COL22A1: variants seen among roughly 807,000 people sequenced by gnomAD.
The protein encoded by COL22A1 is collagen type XXII alpha 1 chain.
In COL22A1, 221 loss-of-function variants were observed where a neutral mutation model predicts 248.9. The ratio of observed to expected loss-of-function variants is 0.89; its 90% CI spans 0.80 to 0.99. The LOEUF is 0.99. Ranked by LOEUF, COL22A1 falls within the 50% of genes least tolerant of loss-of-function variation. The pLI, the probability that COL22A1 is intolerant of heterozygous loss-of-function variation, is 0.00. For missense variants in COL22A1, 2,240 were observed against 2,179.0 expected (o/e 1.03, Z -0.56); for synonymous variants, 891 against 793.4 (o/e 1.12, Z -2.07).
chr8:138,836,255 AG>A (rs1820422427), intron 4 of COL22A1, among the ~76,000 whole-genome samples: 1 of 152,134 alleles, frequency 6.6e-6, no homozygotes, highest in Non-Finnish European at 1.5e-5. Flanking sequence ...TGGGCGACAG[AG>A]AGAGACTCTG....
intron 47 of COL22A1, among the ~76,000 whole-genome samples, chr8:138,638,923 C>G (rs1022545483): frequency 6.6e-6 from 1 of 152,114 alleles, no homozygotes; most frequent in Non-Finnish European, 1.5e-5. Flanking sequence ...CACAGTTGTC[C>G]CTGTCTCCTA....
At chr8:138,600,295 G>T (rs1817894851) in intron 60 of COL22A1, among the ~76,000 whole-genome samples, 1 of 152,216 alleles carries the variant, frequency 6.6e-6, no homozygotes, top group Non-Finnish European at 1.5e-5. Context: ...CTGAGAAAGG[G>T]AGGCACAGGG....
chr8:138,796,861 G>GA lies in COL22A1; in HGVS notation c.1558-5dup. ...CTTGGCCAAAAGGTCCTATGCCCTA[G>GA]AAAAATGAAAGAAGGCAAAGATTCA... On this transcript the variant is annotated splice_polypyrimidine_tract_variant and splice_region_variant and intron_variant, in intron 11 of 64. Coordinates refer to ENST00000303045, the MANE Select transcript of COL22A1 (RefSeq NM_152888.3). The GA allele has an allele frequency of 6.3e-7, 1 of 1,592,246 alleles. No homozygotes were observed. Among genetic ancestry groups the GA allele is most frequent in the Non-Finnish European group, 8.6e-7 (1 of 1,160,234 alleles).
Position 138,757,360 on chromosome 8 carries a change from C to T in COL22A1, c.1903-1531G>A, listed in dbSNP as rs1169250406. On this transcript the variant is annotated intron_variant, in intron 18 of 64. Transcript: ENST00000303045. ...GAGAGAGAACGGCTGAATAATGAAT[C>T]TTTTGAGGTTCAAAATCATGTCTTT... Among the ~76,000 whole-genome samples the T allele has an allele frequency of 2.0e-5, 3 of 152,078 alleles. No homozygotes were observed. In the East Asian group the frequency reaches 5.8e-4, roughly 29 times the overall value.
chr8:138,840,121 T>C (rs138153250), intron 4 of COL22A1, among the ~76,000 whole-genome samples: 163 of 152,270 alleles, frequency 1.1e-3, no homozygotes, highest in Middle Eastern at 3.4e-3. Context: ...TTTTGGGGAC[T>C]GCATTTTTTC....
chr8:138,709,402 T>C (rs1188090147), intron 30 of COL22A1, among the ~76,000 whole-genome samples: 4 of 151,958 alleles, frequency 2.6e-5, no homozygotes. Context: ...TGTCCATCAA[T>C]GATAGACTGG....
chr8:138,886,240 C>T (rs745803363), intron 1 of COL22A1, among the ~76,000 whole-genome samples: 2 of 152,176 alleles, frequency 1.3e-5, no homozygotes, highest in Non-Finnish European at 2.9e-5. Flanking sequence ...GTCCCAGGCA[C>T]AGCCAGGCTG....
chr8:138,642,940 A>G (rs1821844109), intron 47 of COL22A1, among the ~76,000 whole-genome samples: 1 of 151,938 alleles, frequency 6.6e-6, no homozygotes, highest in Non-Finnish European at 1.5e-5. Flanking sequence ...GAGGCAGGAG[A>G]ATCGCTTGAA....
chr8:138,881,402 C>A (rs919010822), intron 2 of COL22A1, among the ~76,000 whole-genome samples: 1 of 151,690 alleles, frequency 6.6e-6, no homozygotes. Context: ...ATGTCACTTT[C>A]TGGGTGGGTG....
chr8:138,826,320 G>A (rs575478564), intron 6 of COL22A1, among the ~76,000 whole-genome samples: 12 of 152,294 alleles, frequency 7.9e-5, no homozygotes, highest in South Asian at 6.2e-4. Context: ...ACTGCATCAC[G>A]AAGCTGGGTC....
rs958666895 is a variant in COL22A1, at chr8:138,589,257, G to C, written c.4877C>G (p.Pro1626Arg). 6.8e-6 allele frequency: 11 copies of C among 1,613,534 alleles called. No homozygotes were observed. The Admixed American group carries it at 1.8e-4, about 27-fold the overall frequency. Residue 1626 changes from proline to arginine, a missense_variant, in exon 65 of 65, where the codon CCC (proline) becomes CGC (arginine). Physicochemically the swap from Pro to Arg is moderately radical, Grantham distance 103 (BLOSUM62 -2). Transcript: ENST00000303045. ...LAARPGNVKG[P>R] Reference sequence around the variant, plus strand: ...CTTCTGGCTTTCCAGAGTCCTTTAGGGACCCTTCACATTACCCGGCCGGGC... The same window carrying C: ...CTTCTGGCTTTCCAGAGTCCTTTAGCGACCCTTCACATTACCCGGCCGGGC...
Position 138,826,740 on chromosome 8 carries a change from A to T in COL22A1, c.887T>A (p.Val296Asp). 1 of 1,614,110 alleles carries T rather than the reference A, an allele frequency of 6.2e-7. No individual in the cohort carries two copies. The change falls in exon 6 of 65, where the codon GTC becomes GAC. Residue 296 changes from valine to aspartate, a missense_variant. Physicochemically the swap from Val to Asp is radical, Grantham distance 152 (BLOSUM62 -3). Transcript: ENST00000303045. The part of the protein sequence containing the change: ...PQGLPDEYAF[V>D]TTFRFRKTSR... ...GGTTTTCCTGAACCGGAAGGTTGTG[A>T]CAAAGGCGTACTCATCAGGTAAACC... is the stretch of plus-strand genomic sequence containing the variant.
chr8:138,791,782 T>C (rs1252963109), intron 12 of COL22A1, among the ~76,000 whole-genome samples: 1 of 152,206 alleles, frequency 6.6e-6, no homozygotes, highest in Non-Finnish European at 1.5e-5. Flanking sequence ...GTCAGGTTTA[T>C]GGTGCCAGTA....
chr8:138,652,076 A>G (rs562073055), intron 45 of COL22A1, among the ~76,000 whole-genome samples: 7 of 152,168 alleles, frequency 4.6e-5, no homozygotes, highest in Admixed American at 6.5e-5. Context: ...GATCACCCCA[A>G]TCTGCAGTCT....
chr8:138,729,838 G>A (rs1022745740), intron 23 of COL22A1, among the ~76,000 whole-genome samples: 9 of 152,106 alleles, frequency 5.9e-5, no homozygotes, highest in South Asian at 2.1e-4. Context: ...CAGCCGCCTC[G>A]CCTTGGGGGT....
At position 138,649,689 on chromosome 8, in the gene COL22A1, C is replaced by T; in HGVS notation, c.3423G>A (p.Gly1141=). Residue 1141 remains glycine (G), a synonymous_variant, in exon 46 of 65, where the codon GGG becomes GGA. Transcript: ENST00000303045. The part of the protein sequence containing the change: ...KGDKGVPGKP[G]REGTEGKKGE... ...CCTTTTTCCCTTCTGTGCCTTCTCTCCCTGGCTTTCCTGGGACACCTTTGT... is the reference window on the plus strand; with the variant it reads ...CCTTTTTCCCTTCTGTGCCTTCTCTTCCTGGCTTTCCTGGGACACCTTTGT... The T allele has an allele frequency of 6.2e-7, 1 of 1,613,514 alleles. No individual in the cohort carries two copies.
chr8:138,878,296 C>G lies in COL22A1; in HGVS notation c.112G>C (p.Asp38His), dbSNP rs753523862. Residue 38 changes from aspartate to histidine, a missense_variant, in exon 3 of 65, where the codon GAT becomes CAT. Transcript: ENST00000303045. ...GAGGTGTCCAGGAGGAAGACCAGATCGTAGTGGACACTTTTGCAACCTGCA... is the reference window on the plus strand; with the variant it reads ...GAGGTGTCCAGGAGGAAGACCAGATGGTAGTGGACACTTTTGCAACCTGCA... ...QRAGCKSVHY[D>H]LVFLLDTSSS... 1.9e-6 allele frequency: 3 copies of G among 1,556,554 alleles called. No individual in the cohort carries two copies. Among genetic ancestry groups the G allele is most frequent in the South Asian group, 2.5e-5 (2 of 81,276 alleles).
intron 5 of COL22A1, chr8:138,827,029 T>G: frequency 2.2e-6 from 1 of 462,730 alleles, no homozygotes; most frequent in Non-Finnish European, 4.0e-6. Context: ...ATGGTGCGTC[T>G]GCTTCCATCT....
chr8:138,798,555 C>A (rs1414773333), intron 11 of COL22A1, among the ~76,000 whole-genome samples: 13 of 151,998 alleles, frequency 8.6e-5, no homozygotes, highest in Admixed American at 8.5e-4. Context: ...TCCTTCTTAG[C>A]TCTATCCCTT....
Sources: gnomAD v4.1 joint callset for allele counts (sites outside exome capture counted in the v4.1 genomes callset) on GRCh38, gnomAD v4.1.1 for gene constraint, MANE v1.5 for transcripts, NCBI Gene and HGNC (gene_info 2026-07-23, HGNC 2026-07-21) for gene names.